Variants in ZNF521 observed in about 807,000 individuals in gnomAD.
ZNF521 encodes LYST-interacting protein 3.
Under a neutral mutation model 105.5 loss-of-function variants are expected in ZNF521, and 14 were observed. The observed-to-expected ratio is 0.13, with a 90% CI of 0.09 to 0.21. The LOEUF is 0.21. Ranked by LOEUF, ZNF521 falls within the 10% of genes least tolerant of loss-of-function variation. ZNF521 has a pLI of 1.00. For synonymous variants in ZNF521, 635 were observed against 606.0 expected (o/e 1.05, Z -0.70); for missense variants, 1,233 against 1,629.7 (o/e 0.76, Z 4.19).
intron 5 of ZNF521, among the ~76,000 whole-genome samples, chr18:25,121,816 A>G (rs1269572001): frequency 6.6e-6 from 1 of 152,182 alleles, no homozygotes; most frequent in Non-Finnish European, 1.5e-5. Context: ...TCAAACTATT[A>G]CAAACTTAAC....
intron 5 of ZNF521, among the ~76,000 whole-genome samples, chr18:25,127,895 G>A (rs958738926): frequency 2.0e-5 from 3 of 151,836 alleles, no homozygotes; most frequent in South Asian, 2.1e-4. Flanking sequence ...ATCAAACATC[G>A]AAGAAACAAA....
intron 3 of ZNF521, among the ~76,000 whole-genome samples, chr18:25,307,123 G>T (rs1330672844): frequency 6.6e-6 from 1 of 151,938 alleles, no homozygotes; most frequent in Non-Finnish European, 1.5e-5. Context: ...TATTGAATTT[G>T]GCCACCCTCT....
chr18:25,235,313 C>T (rs1906813071), intron 3 of ZNF521, among the ~76,000 whole-genome samples: 1 of 152,176 alleles, frequency 6.6e-6, no homozygotes, highest in Non-Finnish European at 1.5e-5. Flanking sequence ...TTTAAAAATA[C>T]TCAGTAAATT....
At chr18:25,297,092 CATAT>C (rs921082671) in intron 3 of ZNF521, among the ~76,000 whole-genome samples, 1 of 151,252 alleles carries the variant, frequency 6.6e-6, no homozygotes, top group Non-Finnish European at 1.5e-5. Context: ...CACACACACA[CATAT>C]ATATAGACAC....
At chr18:25,132,413 C>T (rs571851365) in intron 5 of ZNF521, among the ~76,000 whole-genome samples, 3 of 152,282 alleles carry the variant, frequency 2.0e-5, no homozygotes, top group East Asian at 3.9e-4. Flanking sequence ...CTATTAAACA[C>T]TGTCTTCCAT....
chr18:25,227,206 C>T lies in ZNF521; in HGVS notation c.712G>A (p.Glu238Lys). 1 of 1,614,182 alleles carries T rather than the reference C, an allele frequency of 6.2e-7. No individual in the cohort carries two copies. The highest frequency in any genetic ancestry group is 2.2e-5 in the East Asian group (1 of 44,874). Residue 238 changes from glutamate to lysine, a missense_variant, in exon 4 of 8, where the codon GAG (glutamate) becomes AAG (lysine). Physicochemically the swap from Glu to Lys is moderately conservative, Grantham distance 56. Transcript: ENST00000361524. The surrounding 1 kb of genome is among the most constrained non-coding windows in gnomAD (Gnocchi z 5.7). Reference protein sequence around the residue: ...KDGSQSGSRMEDWKMKDTQKC... With the variant: ...KDGSQSGSRMKDWKMKDTQKC... Reference sequence around the variant, plus strand: ...TGAGTGTCCTTCATCTTCCAGTCCTCCATCCTGGAACCGGACTGAGAGCCG... The same window carrying T: ...TGAGTGTCCTTCATCTTCCAGTCCTTCATCCTGGAACCGGACTGAGAGCCG...
At chr18:25,087,143 A>G (rs149145736) in intron 7 of ZNF521, among the ~76,000 whole-genome samples, 1 of 152,312 alleles carries the variant, frequency 6.6e-6, no homozygotes, top group African/African-American at 2.4e-5. Flanking sequence ...ATGGAAAATG[A>G]TAGTAACTCA....
intron 2 of ZNF521, among the ~76,000 whole-genome samples, chr18:25,326,081 C>A (rs1913200487): frequency 1.3e-5 from 2 of 152,270 alleles, no homozygotes; most frequent in African/African-American, 2.4e-5. Context: ...AGCAGAAATT[C>A]TATTCTGTCC....
rs1022506620 is a variant in ZNF521 at position 25,080,629 on chromosome 18, G to A, written c.3906+8836C>T. 3.3e-5 allele frequency among the ~76,000 whole-genome samples: 5 copies of A among 152,214 alleles called. 1 individual carries two copies. The East Asian group carries it at 5.8e-4, about 18-fold the overall frequency. On this transcript the variant is annotated intron_variant, in intron 7 of 7. Transcript: ENST00000361524. ...ATTTCACCCGGCTGTCCGAGGGATC[G>A]CCACATTGATGGATCAGGAAGACGC...
At chr18:25,331,864 T>C (rs1275715886) in intron 2 of ZNF521, among the ~76,000 whole-genome samples, 1 of 151,246 alleles carries the variant, frequency 6.6e-6, no homozygotes, top group African/African-American at 2.4e-5. Context: ...TTCAATTCTC[T>C]TTACTAGTGA....
intron 4 of ZNF521, among the ~76,000 whole-genome samples, chr18:25,196,497 T>G (rs1277283859): frequency 6.6e-6 from 1 of 150,896 alleles, no homozygotes; most frequent in African/African-American, 2.4e-5. Flanking sequence ...TCCTAATTAT[T>G]GTAATTTAAC....
chr18:25,207,699 C>A (rs1406918309), intron 4 of ZNF521, among the ~76,000 whole-genome samples: 18 of 152,154 alleles, frequency 1.2e-4, no homozygotes, highest in Admixed American at 1.2e-3. Flanking sequence ...TTCAGAATAT[C>A]ATGATGGAGG....
intron 2 of ZNF521, among the ~76,000 whole-genome samples, chr18:25,326,554 A>G (rs1028488536): frequency 6.6e-6 from 1 of 152,208 alleles, no homozygotes; most frequent in African/African-American, 2.4e-5. Context: ...ATAACTTGGT[A>G]CTCTATAAAA....
intron 3 of ZNF521, among the ~76,000 whole-genome samples, chr18:25,233,353 TCAA>T (rs1243417486): frequency 2.6e-5 from 4 of 151,924 alleles, no homozygotes; most frequent in African/African-American, 4.8e-5. Context: ...AAAAAAAAAA[TCAA>T]CAGCTCCACA....
At chr18:25,205,886 T>G (rs181289926) in intron 4 of ZNF521, among the ~76,000 whole-genome samples, 1 of 152,212 alleles carries the variant, frequency 6.6e-6, no homozygotes, top group South Asian at 2.1e-4. Flanking sequence ...TAAAAAATTC[T>G]CTTATAATTC....
At chr18:25,236,461 G>A (rs917357011) in intron 3 of ZNF521, among the ~76,000 whole-genome samples, 16 of 151,816 alleles carry the variant, frequency 1.1e-4, no homozygotes, top group African/African-American at 2.2e-4. Flanking sequence ...GCCTGAACCC[G>A]GGAGGCAGAG....
chr18:25,339,617 A>G (rs1395192320), intron 2 of ZNF521, among the ~76,000 whole-genome samples: 2 of 152,178 alleles, frequency 1.3e-5, no homozygotes, highest in African/African-American at 2.4e-5. Flanking sequence ...AACACAGTAA[A>G]TATTTGTTAA....
At chr18:25,074,085 T>C (rs1028144079) in intron 7 of ZNF521, among the ~76,000 whole-genome samples, 13 of 152,188 alleles carry the variant, frequency 8.5e-5, no homozygotes, top group Non-Finnish European at 1.3e-4. Context: ...CGTGCGTGTG[T>C]GCACGCGCAC....
chr18:25,341,509 G>C (rs1460502143), intron 2 of ZNF521, among the ~76,000 whole-genome samples: 2 of 152,188 alleles, frequency 1.3e-5, no homozygotes, highest in East Asian at 3.8e-4. Context: ...AGGGGTAAAA[G>C]ATATTGCAAC....
Sources: gnomAD v4.1 joint callset for allele counts (sites outside exome capture counted in the v4.1 genomes callset) on GRCh38, gnomAD v4.1.1 for gene constraint, Gnocchi (gnomAD v3.1) non-coding constraint, MANE v1.5 for transcripts, NCBI Gene and HGNC (gene_info 2026-07-23, HGNC 2026-07-21) for gene names.